ASB4: variants seen among roughly 807,000 people sequenced by gnomAD.
ASB4 encodes the protein ankyrin repeat and SOCS box protein 4.
A neutral mutation model predicts 38.6 loss-of-function variants in ASB4; 35 were observed. The ratio of observed to expected loss-of-function variants is 0.91; its 90% CI spans 0.69 to 1.20. The LOEUF is 1.20. ASB4 is among the 50% of genes most tolerant of loss of function. The probability of loss-of-function intolerance (pLI) is 0.00; values close to 1 mark genes in which losing one functional copy is unlikely to be tolerated. For synonymous variants in ASB4, 195 were observed against 201.3 expected (o/e 0.97, Z 0.26); for missense variants, 557 against 527.2 (o/e 1.06, Z -0.55).
Position 95,537,801 on chromosome 7 carries a change from G to A in ASB4, c.*42G>A, listed in dbSNP as rs377035609. 437 of 1,553,514 alleles carry A rather than the reference G, an allele frequency of 2.8e-4. No homozygotes were observed. Among genetic ancestry groups the A allele is most frequent in the Middle Eastern group, 2.0e-3 (11 of 5,468 alleles). On this transcript the variant is annotated 3_prime_UTR_variant, in exon 5 of 5. Coordinates refer to ENST00000325885, the MANE Select transcript of ASB4 (RefSeq NM_016116.3). ...GTTCCCAATCCTAGGTATTTAAGTG[G>A]ACTTGCTGGGTAGACACAGTTTGCC...
chr7:95,496,879 A>C (rs1203725042), intron 2 of ASB4, among the ~76,000 whole-genome samples: 1 of 152,198 alleles, frequency 6.6e-6, no homozygotes, highest in Non-Finnish European at 1.5e-5. Context: ...AAACAAACAA[A>C]AAACAAATGG....
chr7:95,543,924 G>A (rs1468048350), downstream of ASB4: 3 of 151,778 alleles, frequency 2.0e-5, no homozygotes, highest in Admixed American at 6.6e-5. Flanking sequence ...ACATTTACAG[G>A]GTATTCATCA....
chr7:95,547,531 T>A, the ASB4 span, among the ~76,000 whole-genome samples: 1 of 152,238 alleles, frequency 6.6e-6, no homozygotes. Flanking sequence ...AATAAATATT[T>A]ATGCATTCTC....
intron 1 of ASB4, among the ~76,000 whole-genome samples, chr7:95,479,265 G>A (rs1175972326): frequency 1.3e-5 from 2 of 152,124 alleles, no homozygotes; most frequent in Admixed American, 6.5e-5. Flanking sequence ...ACACCACTTA[G>A]TATTTCTCAG....
At chr7:95,514,982 C>T (rs1008876022) in intron 2 of ASB4, among the ~76,000 whole-genome samples, 1 of 152,178 alleles carries the variant, frequency 6.6e-6, no homozygotes, top group African/African-American at 2.4e-5. Flanking sequence ...AGCCATAGCT[C>T]TAGTTTCACC....
At chr7:95,521,396 T>A (rs1790660005) in intron 2 of ASB4, among the ~76,000 whole-genome samples, 1 of 152,094 alleles carries the variant, frequency 6.6e-6, no homozygotes, top group African/African-American at 2.4e-5. Flanking sequence ...TACCATTTAA[T>A]TGGCAAACAC....
At chr7:95,527,629 T>G (rs1219835797) in intron 2 of ASB4, among the ~76,000 whole-genome samples, 184 bp from the exon 3 acceptor site, 6 of 152,104 alleles carry the variant, frequency 3.9e-5, no homozygotes, top group African/African-American at 1.2e-4. Flanking sequence ...GCACTGTTGC[T>G]TCAAGGGAAT....
intron 2 of ASB4, among the ~76,000 whole-genome samples, chr7:95,514,002 A>G (rs1261121101): frequency 6.6e-6 from 1 of 152,160 alleles, no homozygotes; most frequent in African/African-American, 2.4e-5. Flanking sequence ...CACAATTCTA[A>G]CAATCTGCAT....
chr7:95,492,709 G>A (rs1355724585), intron 1 of ASB4, among the ~76,000 whole-genome samples: 2 of 152,162 alleles, frequency 1.3e-5, no homozygotes, highest in Non-Finnish European at 2.9e-5. Context: ...CCAATCAGTT[G>A]TCACAGAGAG....
chr7:95,485,945 A>G lies in ASB4; in HGVS notation c.-27A>G. On this transcript the variant is annotated 5_prime_UTR_variant, in exon 1 of 5. Transcript: ENST00000325885. ...CGGTGCTGTTCTCTCGATAAATCAC[A>G]ACAAAGCTTCCAGAGGGAGAGGAAG... is the stretch of plus-strand genomic sequence containing the variant. 6.2e-7 allele frequency: 1 copy of G among 1,607,714 alleles called. No homozygotes were observed. The highest frequency in any genetic ancestry group is 1.1e-5 in the South Asian group (1 of 90,420).
At chr7:95,485,928 T>C (rs1261290713), upstream of ASB4, 2 of 1,585,742 alleles carry the variant, frequency 1.3e-6, no homozygotes, top group Middle Eastern at 1.7e-4. Flanking sequence ...CTCGGTGCTG[T>C]TCTCTCGATA....
chr7:95,524,153 C>T (rs968545506), intron 2 of ASB4, among the ~76,000 whole-genome samples: 1 of 152,208 alleles, frequency 6.6e-6, no homozygotes. Flanking sequence ...AGAGAAATCC[C>T]TGCACGTGAG....
chr7:95,485,708 G>A (rs1480100852), upstream of ASB4, among the ~76,000 whole-genome samples: 1 of 152,164 alleles, frequency 6.6e-6, no homozygotes, highest in Non-Finnish European at 1.5e-5. Flanking sequence ...GCCTGGAAAT[G>A]TATCACGGGG....
At chr7:95,518,245 A>G (rs998211410) in intron 2 of ASB4, among the ~76,000 whole-genome samples, 3 of 152,176 alleles carry the variant, frequency 2.0e-5, no homozygotes, top group Non-Finnish European at 4.4e-5. Context: ...CAGGCATATG[A>G]CTCTTCTAGC....
At chr7:95,490,240 C>G (rs1790152110) in intron 1 of ASB4, among the ~76,000 whole-genome samples, 1 of 152,184 alleles carries the variant, frequency 6.6e-6, no homozygotes, top group Non-Finnish European at 1.5e-5. Flanking sequence ...GCTCTTATTT[C>G]CACTCTCTGA....
rs558446439 is a variant in ASB4, at chr7:95,536,121, A to C, written c.979-316A>C. On this transcript the variant is annotated intron_variant, in intron 3 of 4. Transcript: ENST00000325885. Reference sequence around the variant, plus strand: ...GAAATTGGTTTGATTTTATTAATCTATCTATTTGCCATGGTGGCAGTGTAC... The same window carrying C: ...GAAATTGGTTTGATTTTATTAATCTCTCTATTTGCCATGGTGGCAGTGTAC... 9.6e-4 allele frequency among the ~76,000 whole-genome samples: 146 copies of C among 152,314 alleles called. 1 individual carries two copies. In the South Asian group the frequency reaches 0.01, roughly 11 times the overall value.
intron 1 of ASB4, among the ~76,000 whole-genome samples, chr7:95,488,268 G>A (rs577878010): frequency 2.0e-5 from 3 of 152,224 alleles, no homozygotes; most frequent in Non-Finnish European, 4.4e-5. Context: ...GTGAACCCGG[G>A]AGGCGGAGCT....
At chr7:95,506,048 G>A (rs760692388) in intron 2 of ASB4, among the ~76,000 whole-genome samples, 8 of 151,838 alleles carry the variant, frequency 5.3e-5, no homozygotes, top group African/African-American at 1.5e-4. Context: ...CACATGGGCC[G>A]TGCCTGGCTA....
chr7:95,532,371 T>A (rs1356833796), intron 3 of ASB4, among the ~76,000 whole-genome samples: 1 of 152,176 alleles, frequency 6.6e-6, no homozygotes, highest in Non-Finnish European at 1.5e-5. Context: ...GGGTCTGCAA[T>A]TGCTTTCCAG....
Sources: allele counts gnomAD v4.1 joint callset (sites outside exome capture counted in the v4.1 genomes callset), GRCh38; gene constraint gnomAD v4.1.1; transcripts MANE v1.5; gene names NCBI Gene and HGNC (gene_info 2026-07-23, HGNC 2026-07-21).